Variants in VWA8 observed in about 807,000 individuals in gnomAD.
VWA8 encodes the protein von Willebrand factor A domain containing 8, also known as von Willebrand factor A domain-containing protein 8.
Under a neutral mutation model 241.5 loss-of-function variants are expected in VWA8, and 221 were observed. The ratio of observed to expected loss-of-function variants is 0.91; its 90% confidence interval spans 0.82 to 1.02. The LOEUF is 1.02. Among genes scored for constraint, VWA8 ranks in the 50% least tolerant of loss-of-function variants. The pLI, the probability that VWA8 is intolerant of heterozygous loss-of-function variation, is 0.00. For synonymous variants in VWA8, 852 were observed against 827.1 expected, an observed-to-expected ratio of 1.03 and a Z score of -0.52; for missense variants, 2,322 against 2,328.7, an observed-to-expected ratio of 1.00 and a Z score of 0.06.
chr13:41,934,706 G>A (rs1027164008), intron 2 of VWA8, among the ~76,000 whole-genome samples: 3 of 151,990 alleles, frequency 2.0e-5, no homozygotes, highest in East Asian at 1.9e-4. Flanking sequence ...TAGAAAATCC[G>A]AATAAATCTA....
At chr13:41,748,465 T>G (rs1195078425) in intron 21 of VWA8, among the ~76,000 whole-genome samples, 1 of 152,208 alleles carries the variant, frequency 6.6e-6, no homozygotes, top group Non-Finnish European at 1.5e-5. Context: ...CATTTTTTAT[T>G]GCGTCTATTT....
intron 26 of VWA8, among the ~76,000 whole-genome samples, chr13:41,714,189 A>T (rs938748689): frequency 3.3e-5 from 5 of 152,026 alleles, no homozygotes; most frequent in Non-Finnish European, 7.4e-5. Flanking sequence ...ACATCTAAAA[A>T]ACTTTTTAAT....
At chr13:41,797,175 C>T (rs1869741434) in intron 17 of VWA8, among the ~76,000 whole-genome samples, 1 of 151,164 alleles carries the variant, frequency 6.6e-6, no homozygotes, top group Non-Finnish European at 1.5e-5. Context: ...GGATTACAGG[C>T]ACGTGCCACC....
chr13:41,597,166 A>G (rs925845879), intron 40 of VWA8, among the ~76,000 whole-genome samples: 1 of 152,136 alleles, frequency 6.6e-6, no homozygotes, highest in African/African-American at 2.4e-5. Context: ...ATGATGTTAG[A>G]GGGTACCTGT....
chr13:41,742,627 T>TA (rs1351383314), intron 21 of VWA8, among the ~76,000 whole-genome samples: 1 of 152,234 alleles, frequency 6.6e-6, no homozygotes, highest in Non-Finnish European at 1.5e-5. Context: ...TTGTTCTCAT[T>TA]AAAAATTAAA....
At chr13:41,915,757 C>T (rs1876220427) in intron 2 of VWA8, among the ~76,000 whole-genome samples, 1 of 152,142 alleles carries the variant, frequency 6.6e-6, no homozygotes, top group South Asian at 2.1e-4. Context: ...CATCACATTC[C>T]AATTTTACAT....
intron 40 of VWA8, among the ~76,000 whole-genome samples, chr13:41,596,299 A>C (rs2044487730): frequency 6.6e-6 from 1 of 152,106 alleles, no homozygotes; most frequent in African/African-American, 2.4e-5. Context: ...AATACTTGGA[A>C]ACTTAAAACA....
At chr13:41,636,574 T>C (rs1010729280) in intron 37 of VWA8, among the ~76,000 whole-genome samples, 12 of 152,102 alleles carry the variant, frequency 7.9e-5, no homozygotes, top group Admixed American at 3.3e-4. Context: ...AAAATTGACA[T>C]ATGGGATCTA....
At chr13:41,837,054 T>C (rs1040015840) in intron 12 of VWA8, among the ~76,000 whole-genome samples, 4 of 151,388 alleles carry the variant, frequency 2.6e-5, no homozygotes, top group Admixed American at 6.6e-5. Flanking sequence ...GATAGATAGA[T>C]AGATAGATAG....
chr13:41,813,094 A>T (rs1374417051), intron 16 of VWA8, among the ~76,000 whole-genome samples: 1 of 152,134 alleles, frequency 6.6e-6, no homozygotes, highest in East Asian at 1.9e-4. Context: ...CAAACAACAA[A>T]GACCTATGAA....
Position 41,784,004 on chromosome 13 carries a change from T to A in VWA8, c.2171-103A>T, listed in dbSNP as rs144781619. 3.1e-4 allele frequency: 243 copies of A among 779,092 alleles called. 1 individual carries two copies. The highest frequency in any genetic ancestry group is 2.3e-3 in the Middle Eastern group (10 of 4,434). 48.3% of individuals were successfully genotyped at this position (779,092 alleles called of 1,614,324 possible). ...ATACAGCTTCAGTAATATCTGTGGA[T>A]TTTAATTTAACATCTAAAGAAATAA... is the stretch of plus-strand genomic sequence containing the variant. On this transcript the variant is annotated intron_variant, in intron 18 of 44. Transcript: ENST00000379310.
rs528042973 is a variant in VWA8, at chr13:41,575,521, TC to T, written c.5370+218del. On this transcript the variant is annotated intron_variant, in intron 43 of 44. Transcript: ENST00000379310. The stretch of plus-strand genomic sequence containing the variant: ...CCAGGTTGTAGAATCCCAATCTAAA[TC>T]CAAGTGTCCTAAAAATATGTAGGGG... Among the ~76,000 whole-genome samples the T allele has an allele frequency of 6.9e-3, 1,050 of 151,974 alleles. 6 individuals carry two copies. The highest frequency in any genetic ancestry group is 9.6e-3 in the Non-Finnish European group (650 of 67,966).
At chr13:41,803,218 C>G (rs1168144144) in intron 17 of VWA8, among the ~76,000 whole-genome samples, 1 of 152,158 alleles carries the variant, frequency 6.6e-6, no homozygotes, top group Non-Finnish European at 1.5e-5. Context: ...CAAACAAGCC[C>G]AGGCAAGGAA....
At chr13:41,897,827 T>C (rs1304764700) in intron 4 of VWA8, among the ~76,000 whole-genome samples, 1 of 152,132 alleles carries the variant, frequency 6.6e-6, no homozygotes, top group African/African-American at 2.4e-5. Flanking sequence ...GCTTCCACAC[T>C]GTGGAAGGGG....
chr13:41,776,500 A>C (rs1868601090), intron 20 of VWA8, among the ~76,000 whole-genome samples: 1 of 152,154 alleles, frequency 6.6e-6, no homozygotes, highest in Non-Finnish European at 1.5e-5. Context: ...AATAGGTAGG[A>C]CTTTTCAAAT....
At position 41,735,514 on chromosome 13, in the gene VWA8, G is replaced by A. The variant is rs565721305; in HGVS notation, c.2427-3359C>T. Among the ~76,000 whole-genome samples, 6 of 152,252 alleles carry A rather than the reference G, an allele frequency of 3.9e-5. No homozygotes were observed. The East Asian group carries it at 9.6e-4, about 24-fold the overall frequency. On this transcript the variant is annotated intron_variant, in intron 21 of 44. Transcript: ENST00000379310. ...CTAAAATGAGAATAAATGCAAATGG[G>A]AAACGTGGCTTTTAGTGGAGTAGTA... is the stretch of plus-strand genomic sequence containing the variant.
intron 40 of VWA8, among the ~76,000 whole-genome samples, chr13:41,593,937 A>G (rs911634663): frequency 6.6e-6 from 1 of 152,084 alleles, no homozygotes; most frequent in Admixed American, 6.6e-5. Context: ...CATGTTACTT[A>G]TTGGCCATGG....
At chr13:41,727,391 C>T (rs748956073) in intron 23 of VWA8, 78 bp from the exon 24 acceptor site, 1 of 1,092,320 alleles carries the variant, frequency 9.2e-7, no homozygotes, top group Non-Finnish European at 1.3e-6. Flanking sequence ...TTTTAGATAA[C>T]ATAAATAGTT....
intron 26 of VWA8, among the ~76,000 whole-genome samples, chr13:41,706,465 T>C (rs2045283055): frequency 6.6e-6 from 1 of 152,192 alleles, no homozygotes; most frequent in East Asian, 1.9e-4. Context: ...GGGGTATTAT[T>C]GTTTCCGGAC....
Sources: gnomAD v4.1 joint callset for allele counts (sites outside exome capture counted in the v4.1 genomes callset) on GRCh38, gnomAD v4.1.1 for gene constraint, MANE v1.5 for transcripts, NCBI Gene and HGNC (gene_info 2026-07-23, HGNC 2026-07-21) for gene names.